The following FAM135B variants were observed in gnomAD, a reference collection of about 807,000 sequenced individuals.
FAM135B encodes family with sequence similarity 135 member B.
A neutral mutation model predicts 127.7 loss-of-function variants in FAM135B; 43 were observed. The ratio of observed to expected loss-of-function variants is 0.34; its 90% CI spans 0.26 to 0.43. The LOEUF (loss-of-function observed/expected upper bound fraction) is 0.43. Among genes scored for constraint, FAM135B ranks in the 20% least tolerant of loss-of-function variants. The probability of loss-of-function intolerance (pLI) is 1.00; values close to 1 mark genes in which losing one functional copy is unlikely to be tolerated. For missense variants in FAM135B, 1,558 were observed against 1,725.6 expected (o/e 0.90, Z 1.72); for synonymous variants, 670 against 665.1 (o/e 1.01, Z -0.11).
intron 8 of FAM135B, among the ~76,000 whole-genome samples, chr8:138,197,020 T>C (rs1045484191): frequency 2.0e-5 from 3 of 152,260 alleles, no homozygotes; most frequent in Admixed American, 1.3e-4. Context: ...TAACCAAATG[T>C]AATGGATACT....
chr8:138,371,826 C>A (rs1831148750), intron 1 of FAM135B, among the ~76,000 whole-genome samples: 1 of 152,232 alleles, frequency 6.6e-6, no homozygotes, highest in Non-Finnish European at 1.5e-5. Flanking sequence ...TGCCACCCAC[C>A]ATTCTAGTGA....
chr8:138,335,355 A>C (rs959279587), intron 2 of FAM135B, among the ~76,000 whole-genome samples: 3 of 152,190 alleles, frequency 2.0e-5, no homozygotes, highest in Non-Finnish European at 2.9e-5. Context: ...GTGTAAATTA[A>C]AAGAGTTGTG....
Position 138,474,438 on chromosome 8 carries a change from T to C in FAM135B, c.-20+22233A>G, listed in dbSNP as rs78622942. ...AGAGTTCAGTATAGACACCAGCACA[T>C]AGTAGAGATCAATCATAACTTCCTC... On this transcript the variant is annotated intron_variant, in intron 1 of 19. Coordinates refer to ENST00000395297, the MANE Select transcript of FAM135B (RefSeq NM_015912.4). 4.3e-3 allele frequency among the ~76,000 whole-genome samples: 648 copies of C among 152,266 alleles called. 1 individual carries two copies. The highest frequency in any genetic ancestry group is 0.015 in the African/African-American group (619 of 41,566).
chr8:138,351,030 T>C (rs1829745568), intron 2 of FAM135B, among the ~76,000 whole-genome samples: 1 of 152,176 alleles, frequency 6.6e-6, no homozygotes, highest in African/African-American at 2.4e-5. Flanking sequence ...TCTTACATTA[T>C]GGGAAACCCC....
chr8:138,454,671 G>A (rs895105343), intron 1 of FAM135B, among the ~76,000 whole-genome samples: 1 of 152,174 alleles, frequency 6.6e-6, no homozygotes, highest in Non-Finnish European at 1.5e-5. Flanking sequence ...TGTAAACATA[G>A]ATTTAGTTTC....
At chr8:138,186,031 G>A (rs142327593) in intron 9 of FAM135B, among the ~76,000 whole-genome samples, 21 of 152,222 alleles carry the variant, frequency 1.4e-4, no homozygotes, top group Middle Eastern at 3.4e-3. Context: ...GGCTTTGCAC[G>A]GCTGTTCCCT....
intron 19 of FAM135B, among the ~76,000 whole-genome samples, chr8:138,134,966 G>C (rs1219528369): frequency 6.6e-6 from 1 of 152,060 alleles, no homozygotes; most frequent in East Asian, 1.9e-4. Context: ...AATTGTGCCC[G>C]GCCCATAATA....
At chr8:138,392,926 G>T (rs1178086584) in intron 1 of FAM135B, among the ~76,000 whole-genome samples, 7 of 152,182 alleles carry the variant, frequency 4.6e-5, no homozygotes, top group Admixed American at 3.3e-4. Context: ...TTTTCATGCT[G>T]CTGATAAAGG....
At chr8:138,204,838 T>C (rs1316805657) in intron 7 of FAM135B, among the ~76,000 whole-genome samples, 1 of 152,250 alleles carries the variant, frequency 6.6e-6, no homozygotes, top group Non-Finnish European at 1.5e-5. Flanking sequence ...AGACATATTT[T>C]TTAACCGAGA....
intron 3 of FAM135B, among the ~76,000 whole-genome samples, chr8:138,278,569 T>C (rs1340711526): frequency 7.6e-6 from 1 of 130,950 alleles, no homozygotes; most frequent in African/African-American, 2.9e-5. Context: ...TTTTTTTTTT[T>C]TTTTTTTTTT....
Position 138,132,864 on chromosome 8 carries a change from A to AGTGATGTTCT in FAM135B, c.4016-67_4016-66insAGAACATCAC. 7.1e-7 allele frequency: 1 copy of AGTGATGTTCT among 1,402,530 alleles called. No homozygotes were observed. Among genetic ancestry groups the AGTGATGTTCT allele is most frequent in the Non-Finnish European group, 1.0e-6 (1 of 989,982 alleles). 86.9% of individuals were successfully genotyped at this position (1,402,530 alleles called of 1,614,324 possible). On this transcript the variant is annotated intron_variant, in intron 19 of 19. Transcript: ENST00000395297. The surrounding 1 kb of genome is among the most constrained non-coding windows in gnomAD (Gnocchi z 4.5). The stretch of plus-strand genomic sequence containing the variant: ...TTAGCAGTGGAATCTAGAGAACATC[A>AGTGATGTTCT]CTAGATGTGTGTCGAAATTCTGTTC...
rs918528459 is a variant in FAM135B, at chr8:138,242,509, C to T, written c.669+433G>A. Among the ~76,000 whole-genome samples the T allele has an allele frequency of 2.0e-5, 3 of 152,038 alleles. No homozygotes were observed. The highest frequency in any genetic ancestry group is 4.8e-5 in the African/African-American group (2 of 41,388). On this transcript the variant is annotated intron_variant, in intron 7 of 19. Transcript: ENST00000395297. The surrounding 1 kb of genome is among the most constrained non-coding windows in gnomAD (Gnocchi z 9.6). The stretch of plus-strand genomic sequence containing the variant: ...TTACAACATTTGGGTACATATAACA[C>T]TCCATGAGATTATTAGCTATTGGGG...
At chr8:138,345,288 C>T (rs141827383) in intron 2 of FAM135B, among the ~76,000 whole-genome samples, 2 of 152,132 alleles carry the variant, frequency 1.3e-5, no homozygotes, top group African/African-American at 4.8e-5. Flanking sequence ...CAAAGGAGAG[C>T]ATGGGGGAGG....
rs1820853806 is a variant in FAM135B, at chr8:138,242,180, TG to T, written c.669+761del. On this transcript the variant is annotated intron_variant, in intron 7 of 19. Transcript: ENST00000395297. This position sits in a 1 kb window ranked among gnomAD's most constrained non-coding sequence, Gnocchi z 9.6. ...ATAAATCTCTTTGTGTGTGTGTGTG[TG>T]TGTGTGTGTGTGTGTGTGTGTGTGT... Among the ~76,000 whole-genome samples the T allele has an allele frequency of 8.4e-6, 1 of 119,102 alleles. No individual in the cohort carries two copies. Among genetic ancestry groups the T allele is most frequent in the Non-Finnish European group, 1.8e-5 (1 of 54,802 alleles). The allele number at this position is 119,102 out of a possible 152,430, so 78.1% of individuals were successfully genotyped here. A position where few individuals can be genotyped will look rare whatever the true frequency, so the allele number is the denominator to read the frequency against.
chr8:138,278,589 A>AG lies in FAM135B; in HGVS notation c.158-12748dup, dbSNP rs1314165199. Among the ~76,000 whole-genome samples the AG allele has an allele frequency of 3.0e-5, 3 of 100,832 alleles. No homozygotes were observed. The Admixed American group carries it at 4.7e-4, about 16-fold the overall frequency. 66.1% of individuals were successfully genotyped at this position (100,832 alleles called of 152,430 possible). The stretch of plus-strand genomic sequence containing the variant: ...TTTTTTTTTTTTTTTTTTGAGGCAG[A>AG]GTCTTGCTCTGTCGCCCAGGCTGGA... On this transcript the variant is annotated intron_variant, in intron 3 of 19. Transcript: ENST00000395297.
At chr8:138,490,131 C>T (rs1485554486) in intron 1 of FAM135B, among the ~76,000 whole-genome samples, 2 of 152,166 alleles carry the variant, frequency 1.3e-5, no homozygotes, top group Non-Finnish European at 2.9e-5. Flanking sequence ...TGTTGACTGC[C>T]TTCATTTCAC....
chr8:138,323,648 G>A (rs766058945), intron 2 of FAM135B, among the ~76,000 whole-genome samples: 1 of 152,176 alleles, frequency 6.6e-6, no homozygotes, highest in Non-Finnish European at 1.5e-5. Flanking sequence ...TGCTAGTTAA[G>A]CACAGGGTAA....
intron 1 of FAM135B, among the ~76,000 whole-genome samples, chr8:138,453,729 A>T (rs1836623481): frequency 6.6e-6 from 1 of 152,160 alleles, no homozygotes; most frequent in Admixed American, 6.6e-5. Context: ...TTCAGAGAGC[A>T]GGTCTTGGAG....
At chr8:138,195,210 C>A (rs760310053) in intron 9 of FAM135B, 48 bp downstream of exon 9, 8 of 1,589,906 alleles carry the variant, frequency 5.0e-6, no homozygotes, top group Non-Finnish European at 6.9e-6. Flanking sequence ...ATTTGCCTTG[C>A]AAAACTACTG....
Sources: gnomAD v4.1 joint callset for allele counts (sites outside exome capture counted in the v4.1 genomes callset) on GRCh38, gnomAD v4.1.1 for gene constraint, Gnocchi (gnomAD v3.1) non-coding constraint, MANE v1.5 for transcripts, NCBI Gene and HGNC (gene_info 2026-07-23, HGNC 2026-07-21) for gene names.